Variants in TENM4 observed in about 807,000 individuals in gnomAD.
TENM4 encodes the protein teneurin-4.
A neutral mutation model predicts 243.3 loss-of-function variants in TENM4; 82 were observed. The observed-to-expected ratio is 0.34, with a 90% CI of 0.28 to 0.40. The LOEUF (loss-of-function observed/expected upper bound fraction) is 0.40. Among genes scored for constraint, TENM4 ranks in the 10% least tolerant of loss-of-function variants. The pLI, the probability that TENM4 is intolerant of heterozygous loss-of-function variation, is 1.00. For synonymous variants in TENM4, 1,412 were observed against 1,456.3 expected, an observed-to-expected ratio of 0.97 and a Z score of 0.69; for missense variants, 3,138 against 3,673.3, an observed-to-expected ratio of 0.85 and a Z score of 3.77.
At chr11:79,146,284 C>T (rs1331423456) in intron 4 of TENM4, among the ~76,000 whole-genome samples, 1 of 152,112 alleles carries the variant, frequency 6.6e-6, no homozygotes, top group Non-Finnish European at 1.5e-5. Flanking sequence ...TGGATCAACA[C>T]CTCTGTATCT....
At position 78,915,083 on chromosome 11, in the gene TENM4, G is replaced by A. The variant is rs191404422; in HGVS notation, c.494-11560C>T. 2.2e-4 allele frequency among the ~76,000 whole-genome samples: 33 copies of A among 152,302 alleles called. 1 individual carries two copies. In the South Asian group the frequency reaches 6.2e-3, roughly 29 times the overall value. ...GCTCCAGGGTAGCACCCCATAGCTCGCCACCTCCCTCTTTAAAAAGGTGCC... is the reference window on the plus strand; with the variant it reads ...GCTCCAGGGTAGCACCCCATAGCTCACCACCTCCCTCTTTAAAAAGGTGCC... On this transcript the variant is annotated intron_variant, in intron 6 of 33. Transcript: ENST00000278550.
chr11:78,657,924 A>G lies in TENM4; in HGVS notation c.*134T>C, dbSNP rs1403024262. ...TCTTTTCTAAAAAAAAGGATGTTGC[A>G]TGAGTTACAATGCAACCAGTATCTT... On this transcript the variant is annotated 3_prime_UTR_variant, in exon 34 of 34. Transcript: ENST00000278550. 24 of 1,365,238 alleles carry G rather than the reference A, an allele frequency of 1.8e-5. No homozygotes were observed. Among genetic ancestry groups the G allele is most frequent in the South Asian group, 1.2e-5 (1 of 84,524 alleles). 84.6% of individuals were successfully genotyped at this position (1,365,238 alleles called of 1,614,324 possible). A position where few individuals can be genotyped will look rare whatever the true frequency, so the allele number is the denominator to read the frequency against.
chr11:79,246,985 CA>C lies in TENM4; in HGVS notation c.-264-31077del, dbSNP rs66877398. ...TTTTCTGGATGAATATTGTATTTCT[CA>C]AAAAAAAAAAAACACCCCCCCACCC... is the stretch of plus-strand genomic sequence containing the variant. On this transcript the variant is annotated intron_variant, in intron 2 of 33. Transcript: ENST00000278550. Among the ~76,000 whole-genome samples, 1,041 of 133,618 alleles carry C rather than the reference CA, an allele frequency of 7.8e-3. 11 individuals carry two copies. Among genetic ancestry groups the C allele is most frequent in the African/African-American group, 0.025 (874 of 35,016 alleles). 87.7% of individuals were successfully genotyped at this position (133,618 alleles called of 152,430 possible).
intron 4 of TENM4, among the ~76,000 whole-genome samples, chr11:79,086,403 C>T (rs1370088335): frequency 6.6e-6 from 1 of 152,212 alleles, no homozygotes; most frequent in Non-Finnish European, 1.5e-5. Context: ...AAACAGGAAC[C>T]AACATGCAGT....
intron 1 of TENM4, among the ~76,000 whole-genome samples, chr11:79,387,897 T>C (rs1004211521): frequency 2.6e-5 from 4 of 152,082 alleles, no homozygotes; most frequent in Non-Finnish European, 5.9e-5. Flanking sequence ...CCCAGCTCCT[T>C]GTGTGGCTGA....
At position 78,903,480 on chromosome 11, in the gene TENM4, C is replaced by T. The variant is rs1307896772; in HGVS notation, c.537G>A (p.Pro179=). ...GLQNHARLRT[P]PPPLSHAHTP... Reference sequence around the variant, plus strand: ...TGTGGGCGTGCGAGAGCGGCGGCGGCGGCGTCCGGAGCCGCGCGTGGTTCT... The same window carrying T: ...TGTGGGCGTGCGAGAGCGGCGGCGGTGGCGTCCGGAGCCGCGCGTGGTTCT... Residue 179 remains proline, a synonymous_variant, in exon 7 of 34, where the codon CCG becomes CCA. Coordinates refer to ENST00000278550, the MANE Select transcript of TENM4 (RefSeq NM_001098816.3). The T allele has an allele frequency of 2.6e-6, 4 of 1,546,900 alleles. No individual in the cohort carries two copies. The highest frequency in any genetic ancestry group is 1.2e-5 in the South Asian group (1 of 83,928).
intron 3 of TENM4, among the ~76,000 whole-genome samples, chr11:79,204,654 G>A (rs1863812871): frequency 6.6e-6 from 1 of 152,180 alleles, no homozygotes; most frequent in African/African-American, 2.4e-5. Flanking sequence ...GAATAAATAG[G>A]TATAGTTTGG....
At chr11:79,108,969 T>A (rs2137098696) in intron 4 of TENM4, among the ~76,000 whole-genome samples, 1 of 152,184 alleles carries the variant, frequency 6.6e-6, no homozygotes, top group East Asian at 1.9e-4. Flanking sequence ...CACCCACCGC[T>A]TGAAATTTTC....
At chr11:79,143,375 A>G (rs1323727057) in intron 4 of TENM4, among the ~76,000 whole-genome samples, 1 of 152,156 alleles carries the variant, frequency 6.6e-6, no homozygotes, top group Non-Finnish European at 1.5e-5. Context: ...TGTCCTTTGT[A>G]GGGACATGGA....
chr11:78,902,829 T>C (rs35050251), intron 7 of TENM4, among the ~76,000 whole-genome samples: 5,489 of 152,060 alleles, frequency 0.036, 270 homozygotes, highest in African/African-American at 0.11. Flanking sequence ...ACACTAGGCA[T>C]TGGGTGGTAG....
At chr11:79,244,369 G>T (rs775651439) in intron 2 of TENM4, among the ~76,000 whole-genome samples, 2 of 152,128 alleles carry the variant, frequency 1.3e-5, no homozygotes, top group Non-Finnish European at 2.9e-5. Context: ...GTCTGGAAGT[G>T]GGATTGTTCT....
intron 1 of TENM4, among the ~76,000 whole-genome samples, chr11:79,407,013 A>G (rs1411197609): frequency 1.3e-5 from 2 of 152,178 alleles, no homozygotes; most frequent in South Asian, 2.1e-4. Context: ...AGAACAAGAG[A>G]CAGTTTCCTG....
At chr11:78,740,455 C>T (rs1411125042) in intron 19 of TENM4, among the ~76,000 whole-genome samples, 4 of 149,182 alleles carry the variant, frequency 2.7e-5, no homozygotes, top group Admixed American at 6.7e-5. Context: ...TGCAATTACA[C>T]GGCAAACAAG....
intron 20 of TENM4, among the ~76,000 whole-genome samples, chr11:78,736,675 G>A (rs1053570071): frequency 6.6e-6 from 1 of 152,148 alleles, no homozygotes; most frequent in African/African-American, 2.4e-5. Context: ...TTAAGGAAGG[G>A]TGGGAGGGCA....
intron 6 of TENM4, among the ~76,000 whole-genome samples, chr11:79,018,632 G>C (rs2136789153): frequency 6.6e-6 from 1 of 152,238 alleles, no homozygotes; most frequent in Middle Eastern, 3.4e-3. Context: ...TGGTCAGAGA[G>C]AGATTACTCA....
At chr11:79,018,686 T>C (rs545610527) in intron 6 of TENM4, among the ~76,000 whole-genome samples, 1 of 152,276 alleles carries the variant, frequency 6.6e-6, no homozygotes, top group Non-Finnish European at 1.5e-5. Flanking sequence ...CCCACGCTTA[T>C]TTTCAGAATG....
At chr11:79,132,768 A>T (rs922853264) in intron 4 of TENM4, among the ~76,000 whole-genome samples, 2 of 152,224 alleles carry the variant, frequency 1.3e-5, no homozygotes, top group Non-Finnish European at 2.9e-5. Context: ...AATGAAATCA[A>T]GATGGAAATT....
At chr11:79,130,093 G>C (rs369078127) in intron 4 of TENM4, among the ~76,000 whole-genome samples, 2 of 152,150 alleles carry the variant, frequency 1.3e-5, no homozygotes, top group South Asian at 2.1e-4. Context: ...TACCAGCCTG[G>C]AGCTGGGTAG....
intron 6 of TENM4, among the ~76,000 whole-genome samples, chr11:78,988,626 A>G (rs765285450): frequency 3.3e-5 from 5 of 152,166 alleles, no homozygotes; most frequent in African/African-American, 4.8e-5. Flanking sequence ...CTGTTTCTCA[A>G]TGTGTAGCCT....
Sources: gnomAD v4.1 joint callset for allele counts (sites outside exome capture counted in the v4.1 genomes callset) on GRCh38, gnomAD v4.1.1 for gene constraint, MANE v1.5 for transcripts, NCBI Gene and HGNC (gene_info 2026-07-23, HGNC 2026-07-21) for gene names.